Variants in CTNNA2 observed in about 807,000 individuals in gnomAD.
CTNNA2 encodes the protein catenin alpha 2.
CTNNA2 carries 42 observed loss-of-function variants against 101.0 expected under a neutral mutation model. The ratio of observed to expected loss-of-function variants is 0.42; its 90% CI spans 0.32 to 0.54. The LOEUF (loss-of-function observed/expected upper bound fraction) is 0.54. Among genes scored for constraint, CTNNA2 ranks in the 20% least tolerant of loss-of-function variants. The probability of loss-of-function intolerance (pLI) is 0.14; values close to 1 mark genes in which losing one functional copy is unlikely to be tolerated. For missense variants in CTNNA2, 871 were observed against 1,223.1 expected, an observed-to-expected ratio of 0.71 and a Z score of 4.29; for synonymous variants, 450 against 456.4, an observed-to-expected ratio of 0.99 and a Z score of 0.18.
At chr2:79,808,826 C>T (rs1304773074) in intron 3 of CTNNA2, among the ~76,000 whole-genome samples, 1 of 151,612 alleles carries the variant, frequency 6.6e-6, no homozygotes, top group African/African-American at 2.4e-5. Flanking sequence ...TTCTGGGATA[C>T]ATGTGCAGAA....
At chr2:80,437,377 G>C (rs892120823) in intron 9 of CTNNA2, among the ~76,000 whole-genome samples, 10 of 152,090 alleles carry the variant, frequency 6.6e-5, no homozygotes, top group Non-Finnish European at 1.5e-4. Context: ...AGTAAAATTT[G>C]GTTATGGAAA....
intron 1 of CTNNA2, among the ~76,000 whole-genome samples, chr2:79,540,722 T>C (rs1673354900): frequency 1.3e-5 from 2 of 152,226 alleles, no homozygotes; most frequent in African/African-American, 4.8e-5. Context: ...TTTTGTTAAA[T>C]ATTAATGAAG....
intron 4 of CTNNA2, among the ~76,000 whole-genome samples, chr2:79,453,329 T>C (rs988161493): frequency 2.0e-5 from 3 of 152,182 alleles, no homozygotes; most frequent in Non-Finnish European, 2.9e-5. Flanking sequence ...AATGGCAAGG[T>C]AGGCAGTATC....
intron 4 of CTNNA2, among the ~76,000 whole-genome samples, chr2:79,497,593 A>C (rs1671272488): frequency 6.6e-6 from 1 of 151,952 alleles, no homozygotes; most frequent in Admixed American, 6.6e-5. Flanking sequence ...CCTGCAGTTA[A>C]CCTAGCACAC....
chr2:79,788,744 C>T (rs1393026345), intron 3 of CTNNA2, among the ~76,000 whole-genome samples: 3 of 152,158 alleles, frequency 2.0e-5, no homozygotes, highest in African/African-American at 7.2e-5. Flanking sequence ...TATAAATCAT[C>T]AAAACTTCCA....
At chr2:79,696,661 G>T (rs760700968) in intron 2 of CTNNA2, among the ~76,000 whole-genome samples, 1 of 151,990 alleles carries the variant, frequency 6.6e-6, no homozygotes, top group Admixed American at 6.6e-5. Context: ...TACTCCCTGG[G>T]CCTAGAGGGA....
intron 7 of CTNNA2, among the ~76,000 whole-genome samples, chr2:79,982,204 AT>A (rs568621717): frequency 0.048 from 1,301 of 26,932 alleles, 78 homozygotes; most frequent in African/African-American, 0.17. Context: ...ATATATATAT[AT>A]ATATATATAT....
chr2:80,427,943 G>T (rs908326779), intron 9 of CTNNA2, among the ~76,000 whole-genome samples: 1 of 152,222 alleles, frequency 6.6e-6, no homozygotes, highest in Non-Finnish European at 1.5e-5. Flanking sequence ...AGAGGTAAGT[G>T]TATACTATGT....
chr2:79,593,511 C>A (rs1020209749), intron 1 of CTNNA2, among the ~76,000 whole-genome samples: 6 of 152,160 alleles, frequency 3.9e-5, no homozygotes, highest in African/African-American at 1.4e-4. Flanking sequence ...TCTTCACTCC[C>A]ATTGCTCCAG....
chr2:80,439,184 A>T (rs1374433717), intron 9 of CTNNA2, among the ~76,000 whole-genome samples: 1 of 152,178 alleles, frequency 6.6e-6, no homozygotes, highest in African/African-American at 2.4e-5. Flanking sequence ...TGCCTGCTGC[A>T]TCAACTACAG....
intron 18 of CTNNA2, among the ~76,000 whole-genome samples, chr2:80,640,260 C>T (rs184370793): frequency 1.8e-4 from 27 of 152,264 alleles, no homozygotes; most frequent in African/African-American, 6.3e-4. Flanking sequence ...GTTAAAATGT[C>T]TGCTCTTGGG....
intron 4 of CTNNA2, among the ~76,000 whole-genome samples, chr2:79,414,958 G>A (rs1381598222): frequency 6.6e-6 from 1 of 152,120 alleles, no homozygotes; most frequent in Non-Finnish European, 1.5e-5. Context: ...AATACACAAT[G>A]TATTGTTTGA....
intron 9 of CTNNA2, among the ~76,000 whole-genome samples, chr2:80,531,177 C>G (rs1163207664): frequency 6.6e-6 from 1 of 152,146 alleles, no homozygotes; most frequent in Non-Finnish European, 1.5e-5. Flanking sequence ...CTCCCCTACC[C>G]CATATTCCCA....
intron 4 of CTNNA2, among the ~76,000 whole-genome samples, chr2:79,418,796 T>A (rs1174533591): frequency 2.0e-5 from 3 of 152,144 alleles, no homozygotes; most frequent in Non-Finnish European, 4.4e-5. Flanking sequence ...ATTTACTGAC[T>A]GAAGGAATAA....
At chr2:80,393,705 ATGG>A (rs1235468464) in intron 8 of CTNNA2, among the ~76,000 whole-genome samples, 1 of 152,200 alleles carries the variant, frequency 6.6e-6, no homozygotes, top group East Asian at 1.9e-4. Context: ...TCTTAATCTG[ATGG>A]GTTAATTAAG....
In CTNNA2 at chr2:79,242,993, TACACACACACAC is replaced by T. The variant is rs1161415099; in HGVS notation, c.-406+44942_-406+44953del. ...AAATATATATATATATATATATATATACACACACACACACACACACACACACACACACACACG... is the reference window on the plus strand; with the variant it reads ...AAATATATATATATATATATATATATACACACACACACACACACACACACG... On this transcript the variant is annotated intron_variant, in intron 2 of 21. Transcript: ENST00000466387. 1.3e-3 allele frequency among the ~76,000 whole-genome samples: 154 copies of T among 116,724 alleles called. 3 individuals are homozygous for T. Among genetic ancestry groups the T allele is most frequent in the African/African-American group, 4.8e-3 (148 of 30,784 alleles). The allele number at this position is 116,724 out of a possible 152,430, so 76.6% of individuals were successfully genotyped here.
At chr2:79,739,008 T>C (rs1671092507) in intron 2 of CTNNA2, among the ~76,000 whole-genome samples, 1 of 152,104 alleles carries the variant, frequency 6.6e-6, no homozygotes, top group Non-Finnish European at 1.5e-5. Flanking sequence ...AAACATCAGC[T>C]CCATCTTTAC....
At chr2:79,770,047 T>A (rs1673461809) in intron 3 of CTNNA2, among the ~76,000 whole-genome samples, 1 of 152,184 alleles carries the variant, frequency 6.6e-6, no homozygotes, top group African/African-American at 2.4e-5. Flanking sequence ...TGAATGGTTT[T>A]ACCACTTCCC....
At chr2:79,259,472 A>G (rs998670462) in intron 2 of CTNNA2, among the ~76,000 whole-genome samples, 2 of 152,230 alleles carry the variant, frequency 1.3e-5, no homozygotes, top group African/African-American at 4.8e-5. Context: ...GAATCAGCCA[A>G]AAGTCCTAGT....
Sources: gnomAD v4.1 joint callset for allele counts (sites outside exome capture counted in the v4.1 genomes callset) on GRCh38, gnomAD v4.1.1 for gene constraint, MANE v1.5 for transcripts, NCBI Gene and HGNC (gene_info 2026-07-23, HGNC 2026-07-21) for gene names.